Variants in RABGAP1L observed in about 807,000 individuals in gnomAD.
RABGAP1L encodes the protein RAB GTPase activating protein 1 like.
RABGAP1L carries 63 observed loss-of-function variants against 137.7 expected under a neutral mutation model. The observed-to-expected ratio is 0.46, with a 90% CI of 0.37 to 0.56. The LOEUF (loss-of-function observed/expected upper bound fraction) is 0.56, where lower values mean the gene tolerates loss of function less well. RABGAP1L is among the 20% of genes least tolerant of loss of function. The pLI, the probability that RABGAP1L is intolerant of heterozygous loss-of-function variation, is 0.00. For synonymous variants in RABGAP1L, 431 were observed against 433.7 expected (o/e 0.99, Z 0.08); for missense variants, 1,095 against 1,244.0 (o/e 0.88, Z 1.80).
intron 11 of RABGAP1L, among the ~76,000 whole-genome samples, chr1:174,312,295 G>A (rs1678934060): frequency 1.3e-5 from 2 of 152,174 alleles, no homozygotes; most frequent in Admixed American, 1.3e-4. Flanking sequence ...TAACTGGGGT[G>A]AGATGATATC....
intron 11 of RABGAP1L, among the ~76,000 whole-genome samples, chr1:174,323,497 T>C (rs975017631): frequency 1.3e-5 from 2 of 152,148 alleles, no homozygotes; most frequent in Non-Finnish European, 2.9e-5. Context: ...CTAGATCTTA[T>C]ATATTCTTAA....
At chr1:174,527,165 A>G (rs559388817) in intron 13 of RABGAP1L, among the ~76,000 whole-genome samples, 1 of 140,924 alleles carries the variant, frequency 7.1e-6, no homozygotes, top group Admixed American at 7.0e-5. Flanking sequence ...TTCTAGTTGT[A>G]TTTCATTGTG....
At chr1:174,393,574 C>T (rs1041713356) in intron 12 of RABGAP1L, among the ~76,000 whole-genome samples, 11 of 152,084 alleles carry the variant, frequency 7.2e-5, no homozygotes, top group African/African-American at 2.7e-4. Context: ...GCCTATGATC[C>T]GTTTTCAACA....
At chr1:174,334,631 T>C (rs1395940133) in intron 11 of RABGAP1L, among the ~76,000 whole-genome samples, 1 of 152,200 alleles carries the variant, frequency 6.6e-6, no homozygotes, top group Non-Finnish European at 1.5e-5. Flanking sequence ...CTCTGGGCTA[T>C]TGCACTTGCT....
At chr1:174,528,101 T>G (rs1396865936) in intron 13 of RABGAP1L, among the ~76,000 whole-genome samples, 1 of 152,100 alleles carries the variant, frequency 6.6e-6, no homozygotes, top group African/African-American at 2.4e-5. Flanking sequence ...ATTCATTCAG[T>G]GAGTCTATAT....
At chr1:174,426,062 C>T (rs189853526) in intron 13 of RABGAP1L, among the ~76,000 whole-genome samples, 4 of 152,146 alleles carry the variant, frequency 2.6e-5, no homozygotes, top group African/African-American at 9.6e-5. Context: ...TCATTGTTCT[C>T]ATAAAGTTCT....
chr1:174,548,764 G>T (rs1666218779), intron 13 of RABGAP1L, among the ~76,000 whole-genome samples: 1 of 152,046 alleles, frequency 6.6e-6, no homozygotes, highest in Non-Finnish European at 1.5e-5. Context: ...TTAACATTCA[G>T]TAATTATTTG....
At chr1:174,610,208 C>A in intron 13 of RABGAP1L, among the ~76,000 whole-genome samples, 1 of 109,460 alleles carries the variant, frequency 9.1e-6, no homozygotes, top group African/African-American at 3.5e-5. Context: ...CTTCCCCCTC[C>A]CCCCACCCCA....
intron 12 of RABGAP1L, among the ~76,000 whole-genome samples, chr1:174,381,000 G>A (rs1313217589): frequency 2.8e-5 from 3 of 105,910 alleles, no homozygotes; most frequent in South Asian, 4.0e-4. Flanking sequence ...CTTTGTTCTC[G>A]TTGGTTTCAA....
intron 7 of RABGAP1L, among the ~76,000 whole-genome samples, chr1:174,255,795 G>A (rs1252356400): frequency 6.6e-6 from 1 of 152,138 alleles, no homozygotes; most frequent in African/African-American, 2.4e-5. Context: ...CAAAGTGCTG[G>A]GATTACAGGC....
intron 14 of RABGAP1L, among the ~76,000 whole-genome samples, chr1:174,665,614 C>T (rs2148432799): frequency 6.6e-6 from 1 of 152,274 alleles, no homozygotes; most frequent in Admixed American, 6.5e-5. Flanking sequence ...CACCACTGTG[C>T]CCAGCTAATT....
At chr1:174,720,833 G>T (rs1681470810) in intron 17 of RABGAP1L, among the ~76,000 whole-genome samples, 1 of 152,196 alleles carries the variant, frequency 6.6e-6, no homozygotes, top group Non-Finnish European at 1.5e-5. Flanking sequence ...CAGGAATTAG[G>T]TAGTGATGAT....
At chr1:174,396,494 G>A (rs1159912181) in intron 13 of RABGAP1L, among the ~76,000 whole-genome samples, 3 of 151,688 alleles carry the variant, frequency 2.0e-5, no homozygotes, top group African/African-American at 4.8e-5. Flanking sequence ...ATATATATAT[G>A]TTAGATATTT....
intron 13 of RABGAP1L, among the ~76,000 whole-genome samples, chr1:174,589,731 G>A (rs1572420752): frequency 6.6e-6 from 1 of 152,128 alleles, no homozygotes; most frequent in Non-Finnish European, 1.5e-5. Context: ...TTTCAACAAT[G>A]TATGTTCTTG....
intron 13 of RABGAP1L, among the ~76,000 whole-genome samples, chr1:174,479,932 A>G (rs1310946341): frequency 3.3e-5 from 5 of 152,162 alleles, no homozygotes; most frequent in African/African-American, 9.7e-5. Context: ...ATTACTTGCT[A>G]TTGTATTTAC....
At chr1:174,851,281 C>G (rs1648281013) in intron 19 of RABGAP1L, among the ~76,000 whole-genome samples, 2 of 152,186 alleles carry the variant, frequency 1.3e-5, no homozygotes, top group Admixed American at 1.3e-4. Flanking sequence ...GCCATATTCC[C>G]TCCAGTCTGG....
chr1:174,757,559 TATA>T (rs1684864494), intron 18 of RABGAP1L, among the ~76,000 whole-genome samples: 1 of 148,640 alleles, frequency 6.7e-6, no homozygotes, highest in Admixed American at 6.7e-5. Flanking sequence ...TATACATAAA[TATA>T]ATAAATATAA....
At position 174,565,303 on chromosome 1, in the gene RABGAP1L, A is replaced by G. The variant is rs184721005; in HGVS notation, c.1711-72072A>G. On this transcript the variant is annotated intron_variant, in intron 13 of 25. Transcript: ENST00000681986. The stretch of plus-strand genomic sequence containing the variant: ...TGTAATGAAACGTGGCTTTCCCCAT[A>G]TCTCCCTACTTTCACTCCACTTAAT... Among the ~76,000 whole-genome samples, 12 of 152,254 alleles carry G rather than the reference A, an allele frequency of 7.9e-5. No individual in the cohort carries two copies. The East Asian group carries it at 2.3e-3, about 29-fold the overall frequency.
intron 12 of RABGAP1L, among the ~76,000 whole-genome samples, chr1:174,383,825 A>G (rs536843127): frequency 7.9e-5 from 12 of 151,874 alleles, no homozygotes; most frequent in African/African-American, 2.9e-4. Flanking sequence ...CGCAACTGCA[A>G]CTCTCATATG....
Sources: allele counts gnomAD v4.1 joint callset (sites outside exome capture counted in the v4.1 genomes callset), GRCh38; gene constraint gnomAD v4.1.1; transcripts MANE v1.5; gene names NCBI Gene and HGNC (gene_info 2026-07-23, HGNC 2026-07-21).